The following ABTB2 variants were observed in gnomAD, a reference collection of about 807,000 sequenced individuals.
The protein encoded by ABTB2 is ankyrin repeat and BTB/POZ domain-containing protein 2.
Under a neutral mutation model 104.1 loss-of-function variants are expected in ABTB2, and 56 were observed. The ratio of observed to expected loss-of-function variants is 0.54; its 90% CI spans 0.43 to 0.67. ABTB2 has a LOEUF of 0.67. Among genes scored for constraint, ABTB2 ranks in the 30% least tolerant of loss-of-function variants. The pLI is 0.00. For missense variants in ABTB2, 1,279 were observed against 1,407.7 expected, an observed-to-expected ratio of 0.91 and a Z score of 1.46; for synonymous variants, 606 against 608.2, an observed-to-expected ratio of 1.00 and a Z score of 0.05.
At position 34,357,552 on chromosome 11, in the gene ABTB2, G is replaced by T; in HGVS notation, c.32C>A (p.Thr11Lys). Residue 11 changes from threonine to lysine, a missense_variant, in exon 1 of 17, where the codon ACG (threonine) becomes AAG (lysine). Physicochemically the swap from Thr to Lys is moderately conservative, Grantham distance 78. Coordinates refer to ENST00000435224, the MANE Select transcript of ABTB2 (RefSeq NM_145804.3). ...GGAGTCCAAGGTCAAGTCCTCCAGC[G>T]TCTTCAGAGTCGAGCTGTACGTCCC... Reference protein sequence around the residue: MAGTYSSTLKTLEDLTLDSGY... With the variant: MAGTYSSTLKKLEDLTLDSGY... 1 of 1,529,864 alleles carries T rather than the reference G, an allele frequency of 6.5e-7. No homozygotes were observed. Among genetic ancestry groups the T allele is most frequent in the Non-Finnish European group, 8.8e-7 (1 of 1,141,406 alleles). The allele number at this position is 1,529,864 out of a possible 1,614,324, so 94.8% of individuals were successfully genotyped here. A position where few individuals can be genotyped will look rare whatever the true frequency, so the allele number is the denominator to read the frequency against.
rs557004680 is a variant in ABTB2 at position 34,233,617 on chromosome 11, TG to T, written c.884-28928del. 1.2e-4 allele frequency among the ~76,000 whole-genome samples: 18 copies of T among 151,564 alleles called. No individual in the cohort carries two copies. The South Asian group carries it at 3.8e-3, about 32-fold the overall frequency. The stretch of plus-strand genomic sequence containing the variant: ...AATCTGCCTTGGCCTTGCAAAGTGC[TG>T]GGATTATAGGCATGAACCACTGTAC... On this transcript the variant is annotated intron_variant, in intron 1 of 16. Transcript: ENST00000435224.
intron 1 of ABTB2, among the ~76,000 whole-genome samples, chr11:34,326,399 G>A (rs1416058651): frequency 6.6e-6 from 1 of 152,150 alleles, no homozygotes; most frequent in African/African-American, 2.4e-5. Context: ...AAGGCAGTTG[G>A]ATCACTTGAG....
intron 1 of ABTB2, among the ~76,000 whole-genome samples, chr11:34,229,257 C>T (rs1470709854): frequency 2.4e-4 from 37 of 151,602 alleles, no homozygotes; most frequent in Non-Finnish European, 3.4e-4. Context: ...CCGAGGTGGG[C>T]GGATCACAAA....
chr11:34,188,296 C>A (rs1032377202), intron 3 of ABTB2, among the ~76,000 whole-genome samples: 1 of 152,186 alleles, frequency 6.6e-6, no homozygotes, highest in Admixed American at 6.5e-5. Context: ...ACTACACATG[C>A]CTGGGACTGT....
rs766959992 is a variant in ABTB2 at position 34,254,093 on chromosome 11, A to G, written c.884-49403T>C. On this transcript the variant is annotated intron_variant, in intron 1 of 16. Coordinates refer to ENST00000435224, the MANE Select transcript of ABTB2 (RefSeq NM_145804.3). ...TCACTTGAGCACTTATCAAGGCCAG[A>G]TACTGAGTCAAATGCTTTGCAGACA... 7.2e-5 allele frequency among the ~76,000 whole-genome samples: 11 copies of G among 152,344 alleles called. No individual in the cohort carries two copies. In the Middle Eastern group the frequency reaches 0.01, roughly 141 times the overall value.
At chr11:34,340,043 C>CAAA (rs1554927719) in intron 1 of ABTB2, among the ~76,000 whole-genome samples, 1 of 149,442 alleles carries the variant, frequency 6.7e-6, no homozygotes, top group East Asian at 2.0e-4. Context: ...CCACCATCCT[C>CAAA]CAAACAAACA....
intron 1 of ABTB2, among the ~76,000 whole-genome samples, chr11:34,265,385 G>A (rs1346855277): frequency 6.6e-6 from 1 of 152,224 alleles, no homozygotes; most frequent in Non-Finnish European, 1.5e-5. Flanking sequence ...AATTGGCTGG[G>A]CGTGGTGGCT....
intron 1 of ABTB2, among the ~76,000 whole-genome samples, chr11:34,277,907 C>T (rs563474894): frequency 4.1e-5 from 6 of 146,602 alleles, no homozygotes; most frequent in Admixed American, 6.9e-5. Flanking sequence ...CGGGTTCAAG[C>T]GATTGTCCTG....
intron 5 of ABTB2, among the ~76,000 whole-genome samples, chr11:34,168,887 G>A (rs780946064): frequency 6.6e-6 from 1 of 152,204 alleles, no homozygotes; most frequent in Non-Finnish European, 1.5e-5. Context: ...TTTATTCCAC[G>A]GCTGGATCCC....
chr11:34,300,453 T>A (rs1201886426), intron 1 of ABTB2, among the ~76,000 whole-genome samples: 1 of 152,232 alleles, frequency 6.6e-6, no homozygotes, highest in Non-Finnish European at 1.5e-5. Context: ...GTGCTATAAA[T>A]CACTGGTTAT....
intron 1 of ABTB2, among the ~76,000 whole-genome samples, chr11:34,328,037 C>T (rs1440762262): frequency 6.6e-6 from 1 of 152,184 alleles, no homozygotes; most frequent in African/African-American, 2.4e-5. Context: ...CTCATCAGCC[C>T]TAAGCAACTC....
chr11:34,232,941 CAGAA>C (rs1404985161), intron 1 of ABTB2, among the ~76,000 whole-genome samples: 1 of 151,990 alleles, frequency 6.6e-6, no homozygotes, highest in African/African-American at 2.4e-5. Context: ...GCCTGGGTGA[CAGAA>C]GGAGACTCTG....
At chr11:34,323,991 G>A (rs1042808838) in intron 1 of ABTB2, among the ~76,000 whole-genome samples, 1 of 134,548 alleles carries the variant, frequency 7.4e-6, no homozygotes, top group African/African-American at 2.8e-5. Context: ...TTGGTTCACT[G>A]CAATCTCTGC....
At chr11:34,320,492 C>T (rs1590255084) in intron 1 of ABTB2, among the ~76,000 whole-genome samples, 1 of 152,330 alleles carries the variant, frequency 6.6e-6, no homozygotes, top group East Asian at 1.9e-4. Context: ...AATGCCTCCA[C>T]AGGTGTACAG....
rs572160926 is a variant in ABTB2, at chr11:34,252,211, C to T, written c.884-47521G>A. ...CACACCAGAGCTGGCCAGAGCCCCA[C>T]GACTCCATGCCTGGGAAAGCCGTGG... On this transcript the variant is annotated intron_variant, in intron 1 of 16. Transcript: ENST00000435224. The surrounding 1 kb of genome is among the most constrained non-coding windows in gnomAD (Gnocchi z 5.5). 1.8e-4 allele frequency among the ~76,000 whole-genome samples: 28 copies of T among 152,320 alleles called. No individual in the cohort carries two copies. Among genetic ancestry groups the T allele is most frequent in the African/African-American group, 2.6e-4 (11 of 41,566 alleles).
intron 3 of ABTB2, among the ~76,000 whole-genome samples, chr11:34,174,460 C>A (rs1198539532): frequency 6.6e-6 from 1 of 152,216 alleles, no homozygotes; most frequent in Non-Finnish European, 1.5e-5. Flanking sequence ...AGGCTTAGAG[C>A]TGCAAACTCC....
rs548447337 is a variant in ABTB2 at position 34,198,416 on chromosome 11, T to C, written c.1031-878A>G. ...CTCCAGTCTGGGTGACTGGTGACAGTGAGACTTTGTCTCAAAAAAACAAAC... is the reference window on the plus strand; with the variant it reads ...CTCCAGTCTGGGTGACTGGTGACAGCGAGACTTTGTCTCAAAAAAACAAAC... On this transcript the variant is annotated intron_variant, in intron 2 of 16. Coordinates refer to ENST00000435224, the MANE Select transcript of ABTB2 (RefSeq NM_145804.3). 9.4e-4 allele frequency among the ~76,000 whole-genome samples: 141 copies of C among 150,308 alleles called. 1 individual carries two copies. The highest frequency in any genetic ancestry group is 3.1e-3 in the African/African-American group (125 of 40,424).
In ABTB2 at chr11:34,161,053, G is replaced by C. The variant is rs377511923; in HGVS notation, c.2247C>G (p.Ile749Met). 1.2e-6 allele frequency: 2 copies of C among 1,611,648 alleles called. 1 individual carries two copies. The highest frequency in any genetic ancestry group is 2.2e-5 in the South Asian group (2 of 90,856). Residue 749 changes from isoleucine (I) to methionine (M), a missense_variant, in exon 11 of 17, where the codon ATC becomes ATG. Physicochemically the swap from Ile to Met is conservative, Grantham distance 10 (BLOSUM62 1). Transcript: ENST00000435224. ...GCGAGAACGAGGTCCTCAGAGACTC[G>C]ATCCAGATGTGCAGCTTCCAGGGGA... ...LGVPWKLHIW[I>M]ESLRTSFSQS...
Position 34,178,610 on chromosome 11 carries a change from C to T in ABTB2, c.1245-5303G>A, listed in dbSNP as rs1417388353. 4.6e-5 allele frequency among the ~76,000 whole-genome samples: 7 copies of T among 152,316 alleles called. No homozygotes were observed. The East Asian group carries it at 9.6e-4, about 21-fold the overall frequency. On this transcript the variant is annotated intron_variant, in intron 3 of 16. Coordinates refer to ENST00000435224, the MANE Select transcript of ABTB2 (RefSeq NM_145804.3). ...GCGTTTCCCGTAGGCTGAGCTTGGT[C>T]GTTCCGTGCCCGAATGCAGATATCT...
Sources: allele counts gnomAD v4.1 joint callset (sites outside exome capture counted in the v4.1 genomes callset), GRCh38; gene constraint gnomAD v4.1.1; non-coding constraint Gnocchi (gnomAD v3.1); transcripts MANE v1.5; gene names NCBI Gene and HGNC (gene_info 2026-07-23, HGNC 2026-07-21).